Variants in UBR3 observed in about 807,000 individuals in gnomAD.
The protein encoded by UBR3 is E3 ubiquitin-protein ligase UBR3.
In UBR3, 85 loss-of-function variants were observed where a neutral mutation model predicts 243.2. The ratio of observed to expected loss-of-function variants is 0.35; its 90% confidence interval spans 0.29 to 0.42. The LOEUF is 0.42. UBR3 is among the 10% of genes least tolerant of loss of function. The pLI, the probability that UBR3 is intolerant of heterozygous loss-of-function variation, is 1.00. For synonymous variants in UBR3, 748 were observed against 799.8 expected, an observed-to-expected ratio of 0.94 and a Z score of 1.09; for missense variants, 1,686 against 2,300.8, an observed-to-expected ratio of 0.73 and a Z score of 5.47.
intron 25 of UBR3, among the ~76,000 whole-genome samples, 157 bp downstream of exon 25, chr2:169,986,951 A>T (rs1057465412): frequency 6.6e-6 from 1 of 152,206 alleles, no homozygotes; most frequent in Non-Finnish European, 1.5e-5. Context: ...TTTATCGGTT[A>T]TATCTTATTT....
intron 25 of UBR3, among the ~76,000 whole-genome samples, chr2:169,989,928 G>A (rs572704845): frequency 6.6e-6 from 1 of 152,130 alleles, no homozygotes; most frequent in African/African-American, 2.4e-5. Context: ...AAGTAGCCTT[G>A]GGTCTTTCTA....
chr2:169,883,871 T>C (rs993397915), intron 5 of UBR3, among the ~76,000 whole-genome samples: 9 of 152,358 alleles, frequency 5.9e-5, no homozygotes, highest in Non-Finnish European at 1.3e-4. Context: ...TCTTACTCTT[T>C]TGCCCAGGCT....
At chr2:170,041,224 A>G (rs2090960745) in intron 32 of UBR3, among the ~76,000 whole-genome samples, 1 of 152,204 alleles carries the variant, frequency 6.6e-6, no homozygotes, top group Non-Finnish European at 1.5e-5. Flanking sequence ...TATGATGGAT[A>G]CTTTTTGTGG....
chr2:169,884,194 C>T (rs1462516974), intron 5 of UBR3, among the ~76,000 whole-genome samples: 8 of 138,536 alleles, frequency 5.8e-5, no homozygotes, highest in African/African-American at 1.1e-4. Context: ...CTTGCACTGT[C>T]GCCCAGGCTG....
chr2:169,958,618 C>A, intron 24 of UBR3, 92 bp downstream of exon 24: 1 of 1,129,360 alleles, frequency 8.9e-7, no homozygotes, highest in Non-Finnish European at 1.3e-6. Context: ...TAAAACATTA[C>A]ACACTTTTGA....
chr2:169,830,965 G>A (rs1033683530), intron 1 of UBR3, among the ~76,000 whole-genome samples: 10 of 151,356 alleles, frequency 6.6e-5, no homozygotes, highest in Admixed American at 1.3e-4. Context: ...ATGTCAGTGA[G>A]TTTCTTTGAA....
At chr2:169,936,792 A>G (rs1212856027) in intron 19 of UBR3, among the ~76,000 whole-genome samples, 1 of 151,806 alleles carries the variant, frequency 6.6e-6, no homozygotes, top group Non-Finnish European at 1.5e-5. Flanking sequence ...TGTCCTTGCG[A>G]CAGTTTGGTC....
Position 169,891,166 on chromosome 2 carries a change from A to T in UBR3, c.1040A>T (p.Asp347Val). Residue 347 changes from aspartate (D) to valine (V), a missense_variant and splice_region_variant, in exon 6 of 39, where the codon GAT (aspartate) becomes GTT (valine). By Grantham distance (152) the Asp-to-Val change is radical. Around this residue, in one of 8 missense-constraint regions of UBR3, gnomAD observed 200 missense variants for 231.6 expected, o/e 0.86. Transcript: ENST00000272793. ...TLGQVDSSDE[D>V]DQDGSQGLGK... ...AATGCTAATATTATTTTCCTTCAGG[A>T]TGATCAGGATGGTAGTCAAGGTCTG... 6.5e-7 allele frequency: 1 copy of T among 1,548,318 alleles called. No homozygotes were observed. The highest frequency in any genetic ancestry group is 8.7e-7 in the Non-Finnish European group (1 of 1,144,544).
chr2:169,994,506 TTTCCCTCCAGAATTTTA>T (rs1157870773), intron 26 of UBR3, 50 bp downstream of exon 26: 1 of 1,556,102 alleles, frequency 6.4e-7, no homozygotes, highest in Non-Finnish European at 8.8e-7. Flanking sequence ...TTGATGGTTA[TTTCCCTCCAGAATTTTA>T]CATGTCTTTT....
At chr2:169,862,056 A>G (rs551437683) in intron 1 of UBR3, among the ~76,000 whole-genome samples, 1 of 152,182 alleles carries the variant, frequency 6.6e-6, no homozygotes, top group African/African-American at 2.4e-5. Context: ...ATTATTTTTC[A>G]TGTACCGTTA....
At chr2:169,851,850 A>AAC (rs1317409839) in intron 1 of UBR3, among the ~76,000 whole-genome samples, 2 of 152,046 alleles carry the variant, frequency 1.3e-5, no homozygotes, top group Admixed American at 6.6e-5. Flanking sequence ...AAAAAAAAAA[A>AAC]AAAACAACAG....
chr2:169,875,095 A>G (rs1181970507), intron 2 of UBR3, among the ~76,000 whole-genome samples: 2 of 151,604 alleles, frequency 1.3e-5, no homozygotes, highest in African/African-American at 4.9e-5. Context: ...AGTTGCTTTG[A>G]CCTTCAGCTA....
At chr2:169,997,839 T>G (rs899742988) in intron 26 of UBR3, among the ~76,000 whole-genome samples, 4 of 151,718 alleles carry the variant, frequency 2.6e-5, no homozygotes, top group African/African-American at 9.7e-5. Flanking sequence ...AATGGGGGAG[T>G]GCATGCTGAA....
chr2:169,875,346 T>C (rs2105312086), intron 2 of UBR3, among the ~76,000 whole-genome samples: 1 of 152,298 alleles, frequency 6.6e-6, no homozygotes, highest in East Asian at 1.9e-4. Context: ...TTTGTTGTTT[T>C]TGAGATGGGG....
chr2:169,957,208 C>G (rs2087340546), intron 23 of UBR3, among the ~76,000 whole-genome samples: 2 of 151,804 alleles, frequency 1.3e-5, no homozygotes, highest in Non-Finnish European at 2.9e-5. Flanking sequence ...AGAAACCTGT[C>G]TCCTTTCTTT....
chr2:170,044,877 G>A (rs1160880530), intron 32 of UBR3, among the ~76,000 whole-genome samples: 3 of 152,048 alleles, frequency 2.0e-5, no homozygotes, highest in Non-Finnish European at 4.4e-5. Context: ...TTTTTAAGAA[G>A]CCCTCTTAGA....
rs2084676895 is a variant in UBR3, at chr2:169,898,500, T to C, written c.1465+1765T>C. Among the ~76,000 whole-genome samples the C allele has an allele frequency of 2.0e-5, 3 of 150,062 alleles. No individual in the cohort carries two copies. The South Asian group carries it at 6.4e-4, about 32-fold the overall frequency. On this transcript the variant is annotated intron_variant, in intron 8 of 38. Transcript: ENST00000272793. ...TTTTATAGATGAGGCAGCTGAGGCA[T>C]AGGGAGTTGAAGTCAATGATCTGTG... is the stretch of plus-strand genomic sequence containing the variant.
chr2:169,859,668 C>T (rs892835379), intron 1 of UBR3, among the ~76,000 whole-genome samples: 1 of 151,506 alleles, frequency 6.6e-6, no homozygotes, highest in Non-Finnish European at 1.5e-5. Context: ...ACTGTTAATT[C>T]TCTCTGGTGT....
intron 32 of UBR3, among the ~76,000 whole-genome samples, chr2:170,043,151 T>C (rs1437532271): frequency 2.6e-5 from 4 of 152,118 alleles, no homozygotes; most frequent in Non-Finnish European, 5.9e-5. Flanking sequence ...TTATGAGTTA[T>C]TACATAAACC....
Sources: gnomAD v4.1 joint callset for allele counts (sites outside exome capture counted in the v4.1 genomes callset) on GRCh38, gnomAD v4.1.1 for gene constraint, gnomAD v4.1.1 regional missense constraint, MANE v1.5 for transcripts, NCBI Gene and HGNC (gene_info 2026-07-23, HGNC 2026-07-21) for gene names.